Variants in FAM210A observed in about 807,000 individuals in gnomAD.
The protein encoded by FAM210A is mitochondrial inner membrane scaffold 1.
A neutral mutation model predicts 25.3 loss-of-function variants in FAM210A; 13 were observed. The observed-to-expected ratio is 0.51, with a 90% CI of 0.33 to 0.82. The LOEUF (loss-of-function observed/expected upper bound fraction) is 0.82, where lower values mean the gene tolerates loss of function less well. FAM210A is among the 40% of genes least tolerant of loss of function. The pLI is 0.02. For synonymous variants in FAM210A, 125 were observed against 118.7 expected (o/e 1.05, Z -0.35); for missense variants, 319 against 323.2 (o/e 0.99, Z 0.10).
At chr18:13,699,848 C>G (rs1489994435) in intron 1 of FAM210A, among the ~76,000 whole-genome samples, 1 of 152,190 alleles carries the variant, frequency 6.6e-6, no homozygotes, top group Admixed American at 6.6e-5. Flanking sequence ...CATCTATGAC[C>G]TGGTCAAACC....
intron 1 of FAM210A, among the ~76,000 whole-genome samples, chr18:13,700,268 A>C (rs977336725): frequency 1.3e-5 from 2 of 152,222 alleles, no homozygotes; most frequent in Non-Finnish European, 2.9e-5. Context: ...GAAACTAATA[A>C]GATTTACAAG....
chr18:13,703,773 A>G (rs1286303103), intron 1 of FAM210A, among the ~76,000 whole-genome samples: 1 of 152,260 alleles, frequency 6.6e-6, no homozygotes, highest in Non-Finnish European at 1.5e-5. Flanking sequence ...AAACATTTTG[A>G]AAGAAAAATA....
intron 1 of FAM210A, among the ~76,000 whole-genome samples, chr18:13,715,737 C>T (rs1465234313): frequency 2.0e-5 from 3 of 152,196 alleles, no homozygotes; most frequent in African/African-American, 7.2e-5. Context: ...AAAAACAGCT[C>T]TGATATTTTT....
At chr18:13,713,721 A>G (rs2043838422) in intron 1 of FAM210A, among the ~76,000 whole-genome samples, 1 of 13,938 alleles carries the variant, frequency 7.2e-5, no homozygotes, top group African/African-American at 2.2e-4. Flanking sequence ...GTATGTCACT[A>G]TAAAACACAC....
intron 3 of FAM210A, 34 bp from the exon 4 acceptor site, chr18:13,666,747 C>G (rs1322239603): frequency 6.4e-7 from 1 of 1,574,144 alleles, no homozygotes. Context: ...CAAATCAAAA[C>G]CTGGTTATTA....
chr18:13,703,288 G>A (rs192403171), intron 1 of FAM210A, among the ~76,000 whole-genome samples: 1 of 152,314 alleles, frequency 6.6e-6, no homozygotes, highest in Admixed American at 6.5e-5. Flanking sequence ...ACTGAGCTCT[G>A]CACATTTGGA....
At chr18:13,703,911 A>C (rs1381161031) in intron 1 of FAM210A, among the ~76,000 whole-genome samples, 1 of 152,228 alleles carries the variant, frequency 6.6e-6, no homozygotes, top group East Asian at 1.9e-4. Flanking sequence ...GGTTTCCTAA[A>C]TGCTTTAAGG....
intron 1 of FAM210A, among the ~76,000 whole-genome samples, chr18:13,720,559 C>T (rs1462183044): frequency 6.6e-6 from 1 of 152,128 alleles, no homozygotes; most frequent in Non-Finnish European, 1.5e-5. Flanking sequence ...GTTGGATTTC[C>T]CACCCTCTGA....
chr18:13,667,697 G>A (rs111700466), intron 3 of FAM210A, among the ~76,000 whole-genome samples: 4 of 151,286 alleles, frequency 2.6e-5, no homozygotes, highest in African/African-American at 9.7e-5. Context: ...CAGCCTGGGC[G>A]ACAAGAGTGA....
In FAM210A at chr18:13,696,714, A is replaced by C. The variant is rs566828054; in HGVS notation, c.-28-14609T>G. On this transcript the variant is annotated intron_variant, in intron 1 of 3. Transcript: ENST00000651643. ...CTTCATTTTTAACAAAAAGTTTAAA[A>C]AATAAAATAAAAATGAAAATATTAA... 5.9e-5 allele frequency among the ~76,000 whole-genome samples: 9 copies of C among 152,358 alleles called. 1 individual carries two copies. The South Asian group carries it at 1.7e-3, about 28-fold the overall frequency.
intron 1 of FAM210A, among the ~76,000 whole-genome samples, chr18:13,705,960 G>A (rs149983531): frequency 2.0e-5 from 3 of 152,274 alleles, no homozygotes; most frequent in African/African-American, 7.2e-5. Flanking sequence ...GAGGACTGAT[G>A]TTATAACACT....
chr18:13,695,651 G>A (rs2043686207), intron 1 of FAM210A, among the ~76,000 whole-genome samples: 1 of 150,840 alleles, frequency 6.6e-6, no homozygotes, highest in African/African-American at 2.4e-5. Context: ...ACTCATAGGT[G>A]GGAACTGAAC....
At chr18:13,724,219 A>C (rs1381128476) in intron 1 of FAM210A, among the ~76,000 whole-genome samples, 4 of 152,216 alleles carry the variant, frequency 2.6e-5, no homozygotes, top group Non-Finnish European at 5.9e-5. Context: ...AGAAGTATCA[A>C]AACACTTTCT....
At chr18:13,684,330 T>C (rs1785175) in intron 1 of FAM210A, among the ~76,000 whole-genome samples, 140,129 of 152,124 alleles carry the variant, frequency 0.92, 64,588 homozygotes, top group East Asian at 0.98. Flanking sequence ...ACCCCAGAGG[T>C]GGAGGCTGCA....
At chr18:13,707,285 G>A (rs548063364) in intron 1 of FAM210A, among the ~76,000 whole-genome samples, 1 of 152,292 alleles carries the variant, frequency 6.6e-6, no homozygotes, top group Non-Finnish European at 1.5e-5. Flanking sequence ...CATTGTTTTG[G>A]ACTGAGCTCA....
At chr18:13,703,126 C>G (rs2043753691) in intron 1 of FAM210A, among the ~76,000 whole-genome samples, 1 of 152,186 alleles carries the variant, frequency 6.6e-6, no homozygotes, top group African/African-American at 2.4e-5. Flanking sequence ...CTTTCAACAT[C>G]TAAGGCTCTG....
intron 1 of FAM210A, among the ~76,000 whole-genome samples, chr18:13,722,849 C>CTT (rs10560002): frequency 1.4e-5 from 2 of 145,312 alleles, no homozygotes; most frequent in Non-Finnish European, 1.5e-5. Flanking sequence ...TCTTTCCTTT[C>CTT]TTTTTTTTTT....
At chr18:13,717,629 G>T (rs984212121) in intron 1 of FAM210A, among the ~76,000 whole-genome samples, 2 of 152,166 alleles carry the variant, frequency 1.3e-5, no homozygotes, top group African/African-American at 4.8e-5. Context: ...AAAGTACAGA[G>T]AAGTGAATAA....
At chr18:13,693,332 C>CCTT (rs2043664867) in intron 1 of FAM210A, among the ~76,000 whole-genome samples, 1 of 152,200 alleles carries the variant, frequency 6.6e-6, no homozygotes, top group Non-Finnish European at 1.5e-5. Flanking sequence ...GGAGCTGGTA[C>CCTT]CATTCCTTCT....
Sources: allele counts gnomAD v4.1 joint callset (sites outside exome capture counted in the v4.1 genomes callset), GRCh38; gene constraint gnomAD v4.1.1; transcripts MANE v1.5; gene names NCBI Gene and HGNC (gene_info 2026-07-23, HGNC 2026-07-21).